The following GLRA2 variants were observed in gnomAD, a reference collection of about 807,000 sequenced individuals.
GLRA2 encodes glycine receptor subunit alpha-2.
Under a neutral mutation model 31.6 loss-of-function variants are expected in GLRA2, and 11 were observed. The observed-to-expected ratio is 0.35, with a 90% CI of 0.22 to 0.58. GLRA2 has a LOEUF of 0.58. Ranked by LOEUF, GLRA2 falls within the 20% of genes least tolerant of loss-of-function variation. GLRA2 has a pLI of 0.84. For missense variants in GLRA2, 212 were observed against 351.8 expected, an observed-to-expected ratio of 0.60 and a Z score of 3.18; for synonymous variants, 132 against 134.0, an observed-to-expected ratio of 0.99 and a Z score of 0.10.
At chrX:14,716,942 T>C (rs1383684996) in intron 8 of GLRA2, among the ~76,000 whole-genome samples, 1 of 111,378 alleles carries the variant, frequency 9.0e-6, no homozygotes, top group Non-Finnish European at 1.9e-5. Flanking sequence ...TCTGGAGACT[T>C]CAGGCTAAAC....
At chrX:14,524,832 GT>G (rs2089182648), upstream of GLRA2, among the ~76,000 whole-genome samples, 1 of 110,420 alleles carries the variant, frequency 9.1e-6, no homozygotes, top group African/African-American at 3.3e-5. Context: ...TATTAAAGTA[GT>G]TGTGGGCATA....
At chrX:14,468,054 T>C in the GLRA2 span, among the ~76,000 whole-genome samples, 11 of 111,646 alleles carry the variant, frequency 9.9e-5, no homozygotes, top group African/African-American at 3.6e-4. Context: ...GAATGAGGTA[T>C]CAAGAGAAAT....
At chrX:14,547,923 C>T (rs1047342727) in intron 2 of GLRA2, among the ~76,000 whole-genome samples, 5 of 112,078 alleles carry the variant, frequency 4.5e-5, no homozygotes, top group African/African-American at 1.6e-4. Flanking sequence ...ATCTCCAACA[C>T]GTGACAGTAG....
At chrX:14,547,789 CAAA>C (rs753328847) in intron 2 of GLRA2, among the ~76,000 whole-genome samples, 46 of 111,530 alleles carry the variant, frequency 4.1e-4, no homozygotes, top group African/African-American at 1.5e-3. Flanking sequence ...TCTTAAACTA[CAAA>C]TCCCAACCTT....
intron 7 of GLRA2, among the ~76,000 whole-genome samples, chrX:14,675,985 CT>C (rs1485221927): frequency 8.9e-6 from 1 of 112,166 alleles, no homozygotes; most frequent in Non-Finnish European, 1.9e-5. Flanking sequence ...TGATGGTATA[CT>C]TTATAGCACT....
At chrX:14,585,199 G>C (rs986099460) in intron 4 of GLRA2, among the ~76,000 whole-genome samples, 1 of 111,540 alleles carries the variant, frequency 9.0e-6, no homozygotes, top group African/African-American at 3.3e-5. Context: ...AAGCTGTTCG[G>C]AGATTTGAAC....
At chrX:14,468,230 C>G in the GLRA2 span, among the ~76,000 whole-genome samples, 1 of 112,215 alleles carries the variant, frequency 8.9e-6, no homozygotes, top group Non-Finnish European at 1.9e-5. Flanking sequence ...GCCAAAGCTG[C>G]TATTATCTAG....
chrX:14,725,042 G>T (rs1289492932), intron 8 of GLRA2, among the ~76,000 whole-genome samples: 3 of 111,638 alleles, frequency 2.7e-5, no homozygotes, highest in Non-Finnish European at 5.6e-5. Flanking sequence ...GACAGACCTG[G>T]ATTTGAATCT....
At chrX:14,663,175 G>A (rs1445570412) in intron 7 of GLRA2, among the ~76,000 whole-genome samples, 1 of 111,056 alleles carries the variant, frequency 9.0e-6, no homozygotes, top group African/African-American at 3.3e-5. Flanking sequence ...GCTAATGTAG[G>A]TATCCCTGTC....
Position 14,607,741 on chromosome X carries a change from C to T in GLRA2, c.715+473C>T, listed in dbSNP as rs1303192877. Reference sequence around the variant, plus strand: ...AACCCAGAAATAGAGCTGTTGTGTTCTTCAGTCCTGGATAGCAATAGAAGT... The same window carrying T: ...AACCCAGAAATAGAGCTGTTGTGTTTTTCAGTCCTGGATAGCAATAGAAGT... On this transcript the variant is annotated intron_variant, in intron 6 of 8. Coordinates refer to ENST00000218075, the MANE Select transcript of GLRA2 (RefSeq NM_002063.4). Among the ~76,000 whole-genome samples, 3 of 111,147 alleles carry T rather than the reference C, an allele frequency of 2.7e-5. No individual in the cohort carries two copies. In the East Asian group the frequency reaches 8.5e-4, roughly 32 times the overall value.
chrX:14,463,255 T>A, the GLRA2 span, among the ~76,000 whole-genome samples: 5 of 110,999 alleles, frequency 4.5e-5, no homozygotes, highest in Non-Finnish European at 7.6e-5. Context: ...CTGTATGAGG[T>A]GTCTGTCGGC....
chrX:14,514,232 G>A, the GLRA2 span, among the ~76,000 whole-genome samples: 1 of 109,023 alleles, frequency 9.2e-6, no homozygotes, highest in Non-Finnish European at 1.9e-5. Context: ...GAATAATACA[G>A]TGGACTTTGG....
chrX:14,559,607 C>T (rs1249463240), intron 2 of GLRA2, among the ~76,000 whole-genome samples: 4 of 107,697 alleles, frequency 3.7e-5, no homozygotes, highest in Non-Finnish European at 7.7e-5. Flanking sequence ...TTAGTAGAGA[C>T]GGAGTTTTGC....
intron 7 of GLRA2, among the ~76,000 whole-genome samples, chrX:14,673,543 A>G (rs1286971677): frequency 9.0e-6 from 1 of 111,493 alleles, no homozygotes; most frequent in Non-Finnish European, 1.9e-5. Context: ...TCATCCCACT[A>G]TAGGAGGCAT....
At chrX:14,466,317 C>T in the GLRA2 span, among the ~76,000 whole-genome samples, 1 of 111,176 alleles carries the variant, frequency 9.0e-6, no homozygotes, top group Non-Finnish European at 1.9e-5. Context: ...AATCTGTTGT[C>T]TAAGATACAA....
At chrX:14,690,155 A>G (rs2091328928) in intron 7 of GLRA2, among the ~76,000 whole-genome samples, 1 of 111,917 alleles carries the variant, frequency 8.9e-6, no homozygotes, top group African/African-American at 3.2e-5. Context: ...TTTCTCATCC[A>G]TGTTTTGAAA....
At chrX:14,626,293 G>C (rs1334637060) in intron 7 of GLRA2, among the ~76,000 whole-genome samples, 3 of 112,032 alleles carry the variant, frequency 2.7e-5, no homozygotes, top group Non-Finnish European at 5.7e-5. Flanking sequence ...CCATCACATT[G>C]TCCATACTAT....
chrX:14,588,336 C>G (rs1273964994), intron 4 of GLRA2, among the ~76,000 whole-genome samples: 2 of 111,736 alleles, frequency 1.8e-5, no homozygotes, highest in Non-Finnish European at 3.8e-5. Context: ...ATTCCAGCAC[C>G]ATTTTTTGGG....
At chrX:14,650,688 C>T (rs2090880013) in intron 7 of GLRA2, among the ~76,000 whole-genome samples, 1 of 111,534 alleles carries the variant, frequency 9.0e-6, no homozygotes, top group Non-Finnish European at 1.9e-5. Context: ...TCTTCCCTTT[C>T]ATCACAATTT....
Sources: gnomAD v4.1 joint callset for allele counts (sites outside exome capture counted in the v4.1 genomes callset) on GRCh38, gnomAD v4.1.1 for gene constraint, MANE v1.5 for transcripts, NCBI Gene and HGNC (gene_info 2026-07-23, HGNC 2026-07-21) for gene names.